Variants in OTC observed in about 807,000 individuals in gnomAD.
The protein encoded by OTC is ornithine transcarbamylase.
In OTC, 3 loss-of-function variants were observed where a neutral mutation model predicts 30.3. That is an observed-to-expected ratio of 0.10 (90% CI 0.05 to 0.26). OTC has a LOEUF of 0.26. Ranked by LOEUF, OTC falls within the 10% of genes least tolerant of loss-of-function variation. The pLI is 1.00. For missense variants in OTC, 194 were observed against 260.3 expected (o/e 0.75, Z 1.75); for synonymous variants, 111 against 99.7 (o/e 1.11, Z -0.67).
At chrX:38,397,155 T>G (rs1211210382) in intron 4 of OTC, among the ~76,000 whole-genome samples, 1 of 112,328 alleles carries the variant, frequency 8.9e-6, no homozygotes, top group Non-Finnish European at 1.9e-5. Context: ...GTACATAATA[T>G]TCACTCTTCT....
At chrX:38,396,114 G>T (rs982851538) in intron 4 of OTC, among the ~76,000 whole-genome samples, 1 of 89,019 alleles carries the variant, frequency 1.1e-5, no homozygotes, top group African/African-American at 3.7e-5. Flanking sequence ...CACCACGCCC[G>T]GCTAATTTTT....
At chrX:38,366,564 T>C (rs2068297255) in intron 1 of OTC, among the ~76,000 whole-genome samples, 1 of 111,935 alleles carries the variant, frequency 8.9e-6, no homozygotes, top group Admixed American at 9.5e-5. Context: ...CAAATACTTA[T>C]TATATTCCAG....
rs778247368 is a variant in OTC at position 38,369,840 on chromosome X, G to A, written c.261G>A (p.Glu87=). 8.3e-7 allele frequency: 1 copy of A among 1,200,632 alleles called. No homozygotes were observed. Among genetic ancestry groups the A allele is most frequent in the African/African-American group, 1.8e-5 (1 of 57,014 alleles). Residue 87 remains glutamate, a synonymous_variant, in exon 3 of 10, where the codon GAG becomes GAA. Coordinates refer to ENST00000039007, the MANE Select transcript of OTC (RefSeq NM_000531.6). ...GGAAGTCCTTAGGCATGATTTTTGA[G>A]AAAAGAAGTACTCGAACAAGATTGT... The part of the protein sequence containing the change: ...LQGKSLGMIF[E]KRSTRTRLST...
chrX:38,399,558 G>A (rs1159811856), intron 4 of OTC, among the ~76,000 whole-genome samples: 3 of 110,649 alleles, frequency 2.7e-5, no homozygotes, highest in Non-Finnish European at 5.7e-5. Context: ...AGACCAGCCT[G>A]GCCAACATGA....
At chrX:38,337,962 T>A in the OTC span, among the ~76,000 whole-genome samples, 1 of 111,765 alleles carries the variant, frequency 8.9e-6, no homozygotes, top group Non-Finnish European at 1.9e-5. Context: ...GAAGAACAGT[T>A]TCATCAGACA....
At chrX:38,380,762 TC>T (rs1448612974) in intron 3 of OTC, among the ~76,000 whole-genome samples, 2 of 111,858 alleles carry the variant, frequency 1.8e-5, no homozygotes, top group African/African-American at 6.5e-5. Context: ...AGAGTCTTGC[TC>T]TGTTGCTCAG....
intron 3 of OTC, among the ~76,000 whole-genome samples, chrX:38,376,592 A>G (rs923597104): frequency 1.8e-5 from 2 of 112,071 alleles, no homozygotes; most frequent in East Asian, 5.6e-4. Flanking sequence ...AACAGTTGAG[A>G]AGCTCACTTC....
intron 3 of OTC, 68 bp downstream of exon 3, chrX:38,369,945 A>G (rs1247501814): frequency 2.7e-6 from 2 of 733,541 alleles, no homozygotes; most frequent in South Asian, 2.3e-5. Context: ...TTGGAGGGGT[A>G]ACCCAGTGCG....
In OTC at chrX:38,401,366, A is replaced by G; in HGVS notation, c.478A>G (p.Ile160Val). The change falls in exon 5 of 10, where the codon ATC becomes GTC. Residue 160 changes from isoleucine (I) to valine (V), a missense_variant. Physicochemically the swap from Ile to Val is conservative, Grantham distance 29. Coordinates refer to ENST00000039007, the MANE Select transcript of OTC (RefSeq NM_000531.6). ...TLAKEASIPI[I>V]NGLSDLYHPI... ...GGCTAAAGAAGCATCCATCCCAATT[A>G]TCAATGGGCTGTCAGATTTGTACCA... The G allele has an allele frequency of 8.3e-7, 1 of 1,202,679 alleles. No individual in the cohort carries two copies. The highest frequency in any genetic ancestry group is 3.0e-5 in the East Asian group (1 of 33,804).
At chrX:38,342,501 T>C in the OTC span, among the ~76,000 whole-genome samples, 1 of 111,593 alleles carries the variant, frequency 9.0e-6, no homozygotes, top group African/African-American at 3.3e-5. Flanking sequence ...CTGAGCTAGG[T>C]ACTGTGCTAC....
At chrX:38,405,438 C>T (rs1342554878) in intron 6 of OTC, among the ~76,000 whole-genome samples, 1 of 111,082 alleles carries the variant, frequency 9.0e-6, no homozygotes, top group Non-Finnish European at 1.9e-5. Flanking sequence ...TCCCATTTTC[C>T]CTCTGTGTCT....
At chrX:38,358,747 G>A (rs780423612) in intron 1 of OTC, among the ~76,000 whole-genome samples, 11 of 106,284 alleles carry the variant, frequency 1.0e-4, no homozygotes, top group Non-Finnish European at 1.9e-4. Flanking sequence ...TCAGCCTCCC[G>A]AGTAGCTGGG....
chrX:38,409,408 A>G (rs2068532629), intron 8 of OTC, among the ~76,000 whole-genome samples: 1 of 112,435 alleles, frequency 8.9e-6, no homozygotes, highest in South Asian at 3.7e-4. Context: ...CCTTGCCTCT[A>G]TTTTCCAAGG....
intron 4 of OTC, among the ~76,000 whole-genome samples, chrX:38,388,735 C>T (rs1478149586): frequency 2.7e-5 from 3 of 111,898 alleles, no homozygotes; most frequent in Non-Finnish European, 5.6e-5. Flanking sequence ...TGAAAGGCTC[C>T]ATATAAAACC....
chrX:38,339,696 A>C, the OTC span, among the ~76,000 whole-genome samples: 1 of 110,683 alleles, frequency 9.0e-6, no homozygotes, highest in Non-Finnish European at 1.9e-5. Context: ...TACCTTACTT[A>C]CCCTTTAACG....
chrX:38,401,563 T>G (rs1456026295), intron 5 of OTC, 135 bp downstream of exon 5: 1 of 535,302 alleles, frequency 1.9e-6, no homozygotes, highest in Non-Finnish European at 3.2e-6. Flanking sequence ...TTACAGCTTG[T>G]GTGTGCATTT....
At chrX:38,390,132 G>T (rs1394634988) in intron 4 of OTC, among the ~76,000 whole-genome samples, 1 of 111,773 alleles carries the variant, frequency 8.9e-6, no homozygotes, top group African/African-American at 3.3e-5. Context: ...AAAACAACCT[G>T]GCCATTATAG....
At chrX:38,331,442 G>GT in the OTC span, among the ~76,000 whole-genome samples, 123 of 37,570 alleles carry the variant, frequency 3.3e-3, no homozygotes, top group Non-Finnish European at 4.9e-3. Flanking sequence ...TTTTTTTTTT[G>GT]TTTTTTTTTT....
At chrX:38,333,082 G>T in the OTC span, among the ~76,000 whole-genome samples, 1 of 109,272 alleles carries the variant, frequency 9.2e-6, no homozygotes, top group African/African-American at 3.3e-5. Flanking sequence ...AGGCGTGGTG[G>T]TGGGTGCCTG....
Sources: gnomAD v4.1 joint callset for allele counts (sites outside exome capture counted in the v4.1 genomes callset) on GRCh38, gnomAD v4.1.1 for gene constraint, MANE v1.5 for transcripts, NCBI Gene and HGNC (gene_info 2026-07-23, HGNC 2026-07-21) for gene names.